VCL: variants seen among roughly 807,000 people sequenced by gnomAD.
The protein encoded by VCL is vinculin.
In VCL, 47 loss-of-function variants were observed where a neutral mutation model predicts 125.7. The ratio of observed to expected loss-of-function variants is 0.37; its 90% CI spans 0.30 to 0.48. The LOEUF is 0.48. Among genes scored for constraint, VCL ranks in the 20% least tolerant of loss-of-function variants. The pLI, the probability that VCL is intolerant of heterozygous loss-of-function variation, is 0.99. For missense variants in VCL, 1,069 were observed against 1,455.5 expected (o/e 0.73, Z 4.32); for synonymous variants, 458 against 514.6 (o/e 0.89, Z 1.49).
At position 74,114,392 on chromosome 10, in the gene VCL, T is replaced by G. The variant is rs1224881888; in HGVS notation, c.3153+5T>G. ...ATTAGAACCAACCTCTTACAGGTAC[T>G]CGGGGAAAGAGGCTGCGTGTGTGTG... On this transcript the variant is annotated splice_donor_5th_base_variant and intron_variant, in intron 20 of 21. Transcript: ENST00000211998. 2.5e-6 allele frequency: 4 copies of G among 1,609,446 alleles called. No individual in the cohort carries two copies. Among genetic ancestry groups the G allele is most frequent in the Admixed American group, 1.7e-5 (1 of 59,684 alleles).
intron 6 of VCL, among the ~76,000 whole-genome samples, chr10:74,080,803 G>A (rs936713517): frequency 6.6e-6 from 1 of 152,166 alleles, no homozygotes; most frequent in Non-Finnish European, 1.5e-5. Flanking sequence ...GATCCTGAAG[G>A]CTACCCAGTT....
At chr10:74,012,834 A>G (rs941171906) in intron 1 of VCL, among the ~76,000 whole-genome samples, 3 of 152,062 alleles carry the variant, frequency 2.0e-5, no homozygotes, top group Non-Finnish European at 2.9e-5. Context: ...TTACTTGGAT[A>G]ATTTCTACTA....
At chr10:74,063,146 C>T (rs1841506646) in intron 2 of VCL, among the ~76,000 whole-genome samples, 1 of 152,214 alleles carries the variant, frequency 6.6e-6, no homozygotes, top group Non-Finnish European at 1.5e-5. Context: ...CTCCTCTCAT[C>T]CTCAGCCTCC....
At chr10:74,043,516 T>G (rs1047990494) in intron 2 of VCL, among the ~76,000 whole-genome samples, 3 of 152,106 alleles carry the variant, frequency 2.0e-5, no homozygotes, top group Non-Finnish European at 4.4e-5. Context: ...CTGGCTAATC[T>G]TTGTATTTTT....
intron 13 of VCL, among the ~76,000 whole-genome samples, chr10:74,100,391 G>A (rs1471647892): frequency 1.3e-5 from 2 of 152,228 alleles, no homozygotes; most frequent in Admixed American, 1.3e-4. Context: ...TGAGGCCTGA[G>A]TGTGAGCACC....
intron 18 of VCL, 91 bp from the exon 19 acceptor site, chr10:74,111,818 G>C: frequency 6.7e-7 from 1 of 1,503,264 alleles, no homozygotes; most frequent in South Asian, 1.2e-5. Context: ...GGCAGGCTTT[G>C]GTTACTAAAC....
intron 1 of VCL, among the ~76,000 whole-genome samples, chr10:74,022,413 G>A (rs1044771167): frequency 6.6e-6 from 1 of 151,610 alleles, no homozygotes; most frequent in Non-Finnish European, 1.5e-5. Context: ...GGGCATGATG[G>A]CACGCACCTG....
At chr10:74,089,406 T>A (rs1044722483) in intron 9 of VCL, 57 bp downstream of exon 9, 1 of 1,604,334 alleles carries the variant, frequency 6.2e-7, no homozygotes, top group Non-Finnish European at 8.5e-7. Context: ...TCCTAAGTCA[T>A]AAATATCCTA....
chr10:74,018,201 T>TAA (rs1555114510), intron 1 of VCL, among the ~76,000 whole-genome samples: 34 of 139,750 alleles, frequency 2.4e-4, no homozygotes, highest in East Asian at 5.9e-4. Context: ...TATATATATA[T>TAA]AAATACATAT....
chr10:74,027,665 A>AAAAAAG (rs1840799530), intron 1 of VCL: 1 of 151,350 alleles, frequency 6.6e-6, no homozygotes. Context: ...AAAAAAAAAA[A>AAAAAAG]AAATGAAGTT....
chr10:74,079,293 G>C (rs1839641423), intron 6 of VCL, among the ~76,000 whole-genome samples: 1 of 152,090 alleles, frequency 6.6e-6, no homozygotes, highest in Admixed American at 6.6e-5. Flanking sequence ...ACTAGACCTG[G>C]TCTTTTTATA....
At position 74,071,261 on chromosome 10, in the gene VCL, A is replaced by G. The variant is rs533352011; in HGVS notation, c.499+178A>G. Among the ~76,000 whole-genome samples the G allele has an allele frequency of 2.3e-3, 345 of 152,316 alleles. 16 individuals carry two copies. Among genetic ancestry groups the G allele is most frequent in the Non-Finnish European group, 1.4e-3 (96 of 68,034 alleles). ...TTGAGGTGATGTCATTATCTCTGGT[A>G]TCTGAATCTGCTTTCTATATATTGC... On this transcript the variant is annotated intron_variant, in intron 4 of 21. Transcript: ENST00000211998. The surrounding 1 kb of genome is among the most constrained non-coding windows in gnomAD (Gnocchi z 4.1).
chr10:74,044,659 C>T (rs539798014), intron 2 of VCL, among the ~76,000 whole-genome samples: 1 of 152,246 alleles, frequency 6.6e-6, no homozygotes, highest in South Asian at 2.1e-4. Flanking sequence ...GTTCCACTGT[C>T]GGGTATGTTC....
chr10:74,070,855 G>GAT, intron 3 of VCL, 35 bp downstream of exon 3: 2 of 1,613,344 alleles, frequency 1.2e-6, no homozygotes, highest in Non-Finnish European at 1.7e-6. Flanking sequence ...TACTCTTGAA[G>GAT]ATAATAATGG....
chr10:74,029,278 TA>T (rs1281365561), intron 1 of VCL, among the ~76,000 whole-genome samples: 3 of 151,728 alleles, frequency 2.0e-5, no homozygotes, highest in Non-Finnish European at 4.4e-5. Context: ...CATGCCCGGC[TA>T]ATTTTTTGTA....
At chr10:74,095,902 A>G (rs753597521) in intron 12 of VCL, 47 bp downstream of exon 12, 23 of 1,596,868 alleles carry the variant, frequency 1.4e-5, no homozygotes, top group Non-Finnish European at 2.0e-5. Context: ...GCTTCCTATT[A>G]TTGAAAGACG....
chr10:73,998,138 T>A lies in VCL; in HGVS notation c.-70T>A. 6.4e-7 allele frequency: 1 copy of A among 1,573,044 alleles called. No homozygotes were observed. Among genetic ancestry groups the A allele is most frequent in the Non-Finnish European group, 8.6e-7 (1 of 1,159,958 alleles). On this transcript the variant is annotated 5_prime_UTR_variant, in exon 1 of 22. Transcript: ENST00000211998. ...CGTAGTCGCTGCACAGTCTGTCTCTTCGCCGGTTCCCGGCCCCGTGGATCC... is the reference window on the plus strand; with the variant it reads ...CGTAGTCGCTGCACAGTCTGTCTCTACGCCGGTTCCCGGCCCCGTGGATCC...
chr10:74,100,635 G>A (rs973502944), intron 13 of VCL, among the ~76,000 whole-genome samples: 1 of 152,138 alleles, frequency 6.6e-6, no homozygotes, highest in Admixed American at 6.5e-5. Flanking sequence ...TTCACATTCA[G>A]CAAATTACTG....
intron 8 of VCL, among the ~76,000 whole-genome samples, chr10:74,083,868 T>C (rs920301859): frequency 5.3e-5 from 8 of 151,014 alleles, no homozygotes; most frequent in African/African-American, 1.5e-4. Flanking sequence ...ATTTTGTTTG[T>C]TTGTTTGTTT....
Sources: allele counts gnomAD v4.1 joint callset (sites outside exome capture counted in the v4.1 genomes callset), GRCh38; gene constraint gnomAD v4.1.1; non-coding constraint Gnocchi (gnomAD v3.1); transcripts MANE v1.5; gene names NCBI Gene and HGNC (gene_info 2026-07-23, HGNC 2026-07-21).